Variants in ISX observed in about 807,000 individuals in gnomAD.
The protein encoded by ISX is intestine-specific homeobox.
A neutral mutation model predicts 16.9 loss-of-function variants in ISX; 15 were observed. The observed-to-expected ratio is 0.89, with a 90% CI of 0.59 to 1.36. The LOEUF (loss-of-function observed/expected upper bound fraction) is 1.36. Ranked by LOEUF, ISX falls within the 40% of genes most tolerant of loss-of-function variation. The probability of loss-of-function intolerance (pLI) is 0.00; values close to 1 mark genes in which losing one functional copy is unlikely to be tolerated. For missense variants in ISX, 316 were observed against 306.1 expected (o/e 1.03, Z -0.24); for synonymous variants, 125 against 119.7 (o/e 1.04, Z -0.29).
At chr22:35,073,803 C>T (rs992872347) in intron 2 of ISX, among the ~76,000 whole-genome samples, 9 of 152,224 alleles carry the variant, frequency 5.9e-5, no homozygotes, top group East Asian at 3.8e-4. Flanking sequence ...AGCCAGCCCA[C>T]GCTGGCCTTG....
rs367983679 is a variant in ISX, at chr22:35,082,513, T to C, written c.230-5T>C. On this transcript the variant is annotated splice_region_variant and splice_polypyrimidine_tract_variant and intron_variant, in intron 2 of 4. Transcript: ENST00000404699. ...CTGACACAACTTGGACCCTCTCCCA[T>C]GCAGAAGGAAGGAAGAGCAAGCGGA... is the stretch of plus-strand genomic sequence containing the variant. 3 of 1,613,962 alleles carry C rather than the reference T, an allele frequency of 1.9e-6. No homozygotes were observed. The highest frequency in any genetic ancestry group is 2.5e-6 in the Non-Finnish European group (3 of 1,179,910).
At chr22:35,079,622 C>T (rs908254775) in intron 2 of ISX, among the ~76,000 whole-genome samples, 2 of 152,000 alleles carry the variant, frequency 1.3e-5, no homozygotes, top group African/African-American at 4.8e-5. Context: ...GTGTAAGTGA[C>T]CCTGGGACAA....
At position 35,066,628 on chromosome 22, in the gene ISX, G is replaced by C. The variant is rs556166837; in HGVS notation, c.-336-124G>C. The C allele has an allele frequency of 4.0e-4, 66 of 164,170 alleles. 1 individual carries two copies. The highest frequency in any genetic ancestry group is 2.3e-3 in the Admixed American group (41 of 17,896). The allele number at this position is 164,170 out of a possible 1,614,324, so 10.2% of individuals were successfully genotyped here. On this transcript the variant is annotated intron_variant, in intron 1 of 4. Coordinates refer to ENST00000404699, the MANE Select transcript of ISX (RefSeq NM_001303508.2). ...TGGCTAGAGCCACAGGAAAGGGCCA[G>C]AAGCCAGAGAAAGGGCAAAGGTGGA...
chr22:35,070,771 A>G (rs362099), intron 2 of ISX, among the ~76,000 whole-genome samples: 78,272 of 152,104 alleles, frequency 0.51, 20,422 homozygotes, highest in East Asian at 0.79. Flanking sequence ...ATCTTGTCTG[A>G]TGGAGCTGGC....
rs964983850 is a variant in ISX, at chr22:35,085,865, CTAAACAA to C, written c.*177_*183del. ...AGGCTGCACCAGACTCAAAAGCAAACTAAACAATAAAGGACAGCTCTCTTCTCTCCTG... is the reference window on the plus strand; with the variant it reads ...AGGCTGCACCAGACTCAAAAGCAAACTAAAGGACAGCTCTCTTCTCTCCTG... On this transcript the variant is annotated 3_prime_UTR_variant, in exon 5 of 5. Coordinates refer to ENST00000404699, the MANE Select transcript of ISX (RefSeq NM_001303508.2). 1.4e-6 allele frequency: 1 copy of C among 722,658 alleles called. No homozygotes were observed. The highest frequency in any genetic ancestry group is 1.8e-5 in the African/African-American group (1 of 56,390). 44.8% of individuals were successfully genotyped at this position (722,658 alleles called of 1,614,324 possible).
chr22:35,084,809 G>A (rs562038140), intron 4 of ISX, among the ~76,000 whole-genome samples: 9 of 152,258 alleles, frequency 5.9e-5, no homozygotes, highest in African/African-American at 1.4e-4. Flanking sequence ...TTGGACACAC[G>A]GGCTCTGGAG....
At chr22:35,085,057 T>C (rs1929215854) in intron 4 of ISX, among the ~76,000 whole-genome samples, 1 of 152,044 alleles carries the variant, frequency 6.6e-6, no homozygotes, top group Non-Finnish European at 1.5e-5. Context: ...GTAAACAAAA[T>C]AGACAATACT....
rs148916591 is a variant in ISX, at chr22:35,073,947, T to G, written c.229+6631T>G. The stretch of plus-strand genomic sequence containing the variant: ...ATTTGGTTCCAATTGACAAAAATTA[T>G]CTTAGGCCAGCTAAAATGGAGAGGG... On this transcript the variant is annotated intron_variant, in intron 2 of 4. Coordinates refer to ENST00000404699, the MANE Select transcript of ISX (RefSeq NM_001303508.2). Among the ~76,000 whole-genome samples the G allele has an allele frequency of 2.2e-3, 329 of 152,338 alleles. 3 individuals carry two copies. Among genetic ancestry groups the G allele is most frequent in the African/African-American group, 7.5e-3 (312 of 41,580 alleles).
In ISX at chr22:35,086,134, G is replaced by A. The variant is rs1290183379; in HGVS notation, c.*441G>A. ...AGAGGAGGCCAAGGAGAGGTTGTTT[G>A]TTCATGCATGCATTCATCCGTGACA... On this transcript the variant is annotated 3_prime_UTR_variant, in exon 5 of 5. Coordinates refer to ENST00000404699, the MANE Select transcript of ISX (RefSeq NM_001303508.2). 2.3e-5 allele frequency: 6 copies of A among 260,136 alleles called. No homozygotes were observed. The highest frequency in any genetic ancestry group is 3.7e-5 in the Non-Finnish European group (5 of 133,462). 16.1% of individuals were successfully genotyped at this position (260,136 alleles called of 1,614,324 possible). A position where few individuals can be genotyped will look rare whatever the true frequency, so the allele number is the denominator to read the frequency against.
At chr22:35,080,721 A>G (rs930694902) in intron 2 of ISX, among the ~76,000 whole-genome samples, 2 of 118,710 alleles carry the variant, frequency 1.7e-5, no homozygotes, top group African/African-American at 6.7e-5. Context: ...ATGAATTCCA[A>G]TAGTTCCAGT....
rs570078695 is a variant in ISX at position 35,072,696 on chromosome 22, T to A, written c.229+5380T>A. ...TAAGTTTGATTTATCCACTGTATTA[T>A]TTATCCAGACAGGCAACAAATAGCC... is the stretch of plus-strand genomic sequence containing the variant. On this transcript the variant is annotated intron_variant, in intron 2 of 4. Transcript: ENST00000404699. 1.2e-4 allele frequency among the ~76,000 whole-genome samples: 19 copies of A among 152,342 alleles called. No individual in the cohort carries two copies. The South Asian group carries it at 3.3e-3, about 27-fold the overall frequency.
At chr22:35,082,019 A>G (rs1226855421) in intron 2 of ISX, among the ~76,000 whole-genome samples, 3 of 152,210 alleles carry the variant, frequency 2.0e-5, no homozygotes, top group African/African-American at 4.8e-5. Flanking sequence ...ACCAAGACTG[A>G]CACACTTTTT....
intron 2 of ISX, among the ~76,000 whole-genome samples, chr22:35,073,960 A>G (rs377101560): frequency 6.6e-6 from 1 of 152,252 alleles, no homozygotes; most frequent in South Asian, 2.1e-4. Flanking sequence ...TAGGCCAGCT[A>G]AAATGGAGAG....
At position 35,084,407 on chromosome 22, in the gene ISX, A is replaced by T. The variant is rs191515527; in HGVS notation, c.406A>T (p.Lys136Ter). Residue 136 changes from lysine (K) to a stop codon, truncating the protein, a stop_gained, in exon 4 of 5, where the codon AAG becomes TAG. Transcript: ENST00000404699. LOFTEE classifies it high-confidence loss of function. ...VQIWFQNQRAKWRKQEKIGNL... is the reference protein window; with the variant it reads ...VQIWFQNQRA The stretch of plus-strand genomic sequence containing the variant: ...GATCTGGTTCCAGAATCAGCGAGCC[A>T]AGTGGCGGAAGCAGGAGAAGATTGG... The T allele has an allele frequency of 5.0e-6, 8 of 1,614,008 alleles. No homozygotes were observed. The East Asian group carries it at 1.8e-4, about 36-fold the overall frequency.
intron 2 of ISX, among the ~76,000 whole-genome samples, chr22:35,079,146 C>G (rs964336185): frequency 6.6e-6 from 1 of 152,198 alleles, no homozygotes; most frequent in African/African-American, 2.4e-5. Context: ...GTGTTAAACC[C>G]TCAGAAGTGA....
chr22:35,066,535 G>T (rs1928703145), intron 1 of ISX, 73 bp downstream of exon 1: 1 of 156,512 alleles, frequency 6.4e-6, no homozygotes, highest in Non-Finnish European at 1.4e-5. Context: ...CCCTCAAGCT[G>T]CAGTAAAGCC....
At chr22:35,070,337 C>T (rs1928817176) in intron 2 of ISX, among the ~76,000 whole-genome samples, 2 of 152,226 alleles carry the variant, frequency 1.3e-5, no homozygotes, top group Non-Finnish European at 2.9e-5. Context: ...GAGAGGGAAG[C>T]CCTCCAAAAC....
At position 35,067,048 on chromosome 22, in the gene ISX, AC is replaced by A. The variant is rs1928716837; in HGVS notation, c.-37del. 1.3e-6 allele frequency: 2 copies of A among 1,526,184 alleles called. No homozygotes were observed. Among genetic ancestry groups the A allele is most frequent in the Non-Finnish European group, 9.0e-7 (1 of 1,108,488 alleles). The allele number at this position is 1,526,184 out of a possible 1,614,324, so 94.5% of individuals were successfully genotyped here. The stretch of plus-strand genomic sequence containing the variant: ...AGGAAGTACGCCACTCTCCACTGGC[AC>A]CCTCCTTGGCCTACACAGAGTCACC... On this transcript the variant is annotated 5_prime_UTR_variant, in exon 2 of 5. Coordinates refer to ENST00000404699, the MANE Select transcript of ISX (RefSeq NM_001303508.2).
rs61739193 is a variant in ISX, at chr22:35,067,232, C to T, written c.145C>T (p.Pro49Ser). Residue 49 changes from proline (P) to serine (S), a missense_variant, in exon 2 of 5, where the codon CCA (proline) becomes TCA (serine). Transcript: ENST00000404699. ...RPARRSDMDR[P>S]EGPGEEGPGE... ...TGCCAGGAGGAGTGATATGGACAGA[C>T]CAGAAGGGCCAGGTGAAGAGGGCCC... The T allele has an allele frequency of 0.053, 85,874 of 1,607,644 alleles. 2,701 individuals carry two copies. The highest frequency in any genetic ancestry group is 0.093 in the Middle Eastern group (565 of 6,052).
Sources: allele counts gnomAD v4.1 joint callset (sites outside exome capture counted in the v4.1 genomes callset), GRCh38; gene constraint gnomAD v4.1.1; transcripts MANE v1.5; gene names NCBI Gene and HGNC (gene_info 2026-07-23, HGNC 2026-07-21).